The following SUPT3H variants were observed in gnomAD, a reference collection of about 807,000 sequenced individuals.
The protein encoded by SUPT3H is SPT3 homolog, SAGA and STAGA complex component, also known as transcription initiation protein SPT3 homolog.
SUPT3H carries 44 observed loss-of-function variants against 44.3 expected under a neutral mutation model. The ratio of observed to expected loss-of-function variants is 0.99; its 90% CI spans 0.78 to 1.28. The LOEUF (loss-of-function observed/expected upper bound fraction) is 1.28, where lower values mean the gene tolerates loss of function less well. Among genes scored for constraint, SUPT3H ranks in the 50% most tolerant of loss-of-function variants. The pLI is 0.00. For synonymous variants in SUPT3H, 124 were observed against 125.6 expected, an observed-to-expected ratio of 0.99 and a Z score of 0.09; for missense variants, 380 against 387.1, an observed-to-expected ratio of 0.98 and a Z score of 0.15.
At chr6:45,335,179 ACTTT>A (rs1298578212) in intron 2 of SUPT3H, among the ~76,000 whole-genome samples, 2 of 151,300 alleles carry the variant, frequency 1.3e-5, no homozygotes, top group Non-Finnish European at 3.0e-5. Context: ...GCTAGAATTA[ACTTT>A]CTTTTTAAAT....
intron 4 of SUPT3H, 25 bp downstream of exon 4, chr6:45,020,521 A>T: frequency 6.4e-7 from 1 of 1,565,986 alleles, no homozygotes; most frequent in African/African-American, 1.4e-5. Flanking sequence ...GTGGATTTTA[A>T]TACAATAAAA....
At chr6:45,065,244 G>A (rs1411817777) in intron 3 of SUPT3H, among the ~76,000 whole-genome samples, 10 of 148,692 alleles carry the variant, frequency 6.7e-5, no homozygotes, top group African/African-American at 2.5e-4. Flanking sequence ...CAGAAATAAA[G>A]ATGTTCTTTG....
intron 2 of SUPT3H, among the ~76,000 whole-genome samples, chr6:45,300,294 T>C (rs1239545860): frequency 6.6e-6 from 1 of 152,184 alleles, no homozygotes; most frequent in Admixed American, 6.5e-5. Flanking sequence ...ATACAGTGCT[T>C]TGTAATACGC....
At chr6:44,942,353 T>C (rs1007792385) in intron 9 of SUPT3H, among the ~76,000 whole-genome samples, 7 of 152,008 alleles carry the variant, frequency 4.6e-5, no homozygotes, top group Non-Finnish European at 8.8e-5. Context: ...AGACTGAAAC[T>C]GGAAACGGTA....
chr6:45,179,104 T>C (rs1812603497), intron 2 of SUPT3H, among the ~76,000 whole-genome samples: 1 of 152,060 alleles, frequency 6.6e-6, no homozygotes, highest in Non-Finnish European at 1.5e-5. Context: ...CAAACACCTC[T>C]ACGCAAATAA....
chr6:45,156,350 T>C (rs1041058236), intron 2 of SUPT3H, among the ~76,000 whole-genome samples: 1 of 152,130 alleles, frequency 6.6e-6, no homozygotes, highest in Admixed American at 6.6e-5. Flanking sequence ...TCAACATTTG[T>C]ATAGTGTTTT....
intron 2 of SUPT3H, among the ~76,000 whole-genome samples, chr6:45,236,947 G>T (rs1338975316): frequency 6.6e-6 from 1 of 152,158 alleles, no homozygotes; most frequent in Non-Finnish European, 1.5e-5. Flanking sequence ...AAATTTAAAA[G>T]GAGTGCAAGT....
At chr6:44,823,641 C>A (rs1336007383), downstream of SUPT3H, among the ~76,000 whole-genome samples, 1 of 152,178 alleles carries the variant, frequency 6.6e-6, no homozygotes, top group Non-Finnish European at 1.5e-5. Flanking sequence ...ACCTCAGCCC[C>A]CTTTGGGATG....
chr6:44,886,156 T>C (rs190688298), intron 10 of SUPT3H, among the ~76,000 whole-genome samples: 334 of 152,238 alleles, frequency 2.2e-3, no homozygotes, highest in Non-Finnish European at 2.5e-3. Flanking sequence ...TTCCTGAAAG[T>C]GACGGGGGAG....
intron 3 of SUPT3H, among the ~76,000 whole-genome samples, chr6:45,063,317 C>G (rs1225178126): frequency 2.0e-5 from 3 of 150,352 alleles, no homozygotes; most frequent in Non-Finnish European, 2.9e-5. Context: ...CTGTACATCA[C>G]CATCATCAAA....
chr6:45,260,438 C>T (rs970547930), intron 2 of SUPT3H, among the ~76,000 whole-genome samples: 1 of 152,034 alleles, frequency 6.6e-6, no homozygotes, highest in African/African-American at 2.4e-5. Flanking sequence ...AATCAATGTA[C>T]CTTTAAAAAA....
chr6:45,214,426 A>C (rs781171814), intron 2 of SUPT3H, among the ~76,000 whole-genome samples: 4 of 142,720 alleles, frequency 2.8e-5, no homozygotes, highest in Non-Finnish European at 3.2e-5. Context: ...AATTACATAC[A>C]AAAAAAAATG....
Position 44,936,510 on chromosome 6 carries a change from C to T in SUPT3H, c.802-3747G>A, listed in dbSNP as rs77821735. On this transcript the variant is annotated intron_variant, in intron 9 of 10. Transcript: ENST00000371459. ...CCTACTTACTCCCAACCTTCCAAAT[C>T]TCCATTGTCTATCATTCCACACTCT... 4.7e-4 allele frequency among the ~76,000 whole-genome samples: 71 copies of T among 152,190 alleles called. No individual in the cohort carries two copies. In the East Asian group the frequency reaches 0.012, roughly 26 times the overall value.
In SUPT3H at chr6:45,201,015, C is replaced by T. The variant is rs73735311; in HGVS notation, c.102-95009G>A. Among the ~76,000 whole-genome samples, 593 of 151,328 alleles carry T rather than the reference C, an allele frequency of 3.9e-3. 7 individuals are homozygous for T. Among genetic ancestry groups the T allele is most frequent in the African/African-American group, 0.014 (564 of 41,436 alleles). On this transcript the variant is annotated intron_variant, in intron 2 of 10. Transcript: ENST00000371459. The stretch of plus-strand genomic sequence containing the variant: ...GTATTACTTCCTTATGGGAACAATA[C>T]GAAGATTTCAATATAAACGAATTTA...
rs112662302 is a variant in SUPT3H, at chr6:45,280,754, T to A, written c.101+84447A>T. 6.2e-3 allele frequency among the ~76,000 whole-genome samples: 943 copies of A among 152,284 alleles called. 11 individuals carry two copies. Among genetic ancestry groups the A allele is most frequent in the African/African-American group, 0.02 (825 of 41,572 alleles). ...CTCCTAGTGGCTTCACCTAGAGTGG[T>A]AACCATGGGATAAAATATATGGGCA... On this transcript the variant is annotated intron_variant, in intron 2 of 10. Transcript: ENST00000371459.
intron 2 of SUPT3H, among the ~76,000 whole-genome samples, chr6:45,231,380 G>A (rs1584394164): frequency 6.6e-6 from 1 of 152,132 alleles, no homozygotes. Context: ...ATGCTTGGCT[G>A]GCAGGGTTTT....
intron 2 of SUPT3H, among the ~76,000 whole-genome samples, chr6:45,296,112 T>C (rs554839867): frequency 2.0e-4 from 30 of 151,936 alleles, no homozygotes; most frequent in African/African-American, 6.8e-4. Flanking sequence ...GAAATTGTGA[T>C]ATATATATAA....
At chr6:45,158,288 ATATATATATATTTTTTT>A (rs1445340158) in intron 2 of SUPT3H, among the ~76,000 whole-genome samples, 1 of 39,672 alleles carries the variant, frequency 2.5e-5, no homozygotes, top group Non-Finnish European at 5.4e-5. Flanking sequence ...ATATATATAT[ATATATATATATTTTTTT>A]TTTTTTTTTT....
chr6:44,961,642 C>T (rs1776039128), intron 7 of SUPT3H, 111 bp downstream of exon 7: 2 of 841,546 alleles, frequency 2.4e-6, no homozygotes, highest in African/African-American at 1.7e-5. Flanking sequence ...CTTACAACTA[C>T]ACATATATTA....
Sources: gnomAD v4.1 joint callset for allele counts (sites outside exome capture counted in the v4.1 genomes callset) on GRCh38, gnomAD v4.1.1 for gene constraint, MANE v1.5 for transcripts, NCBI Gene and HGNC (gene_info 2026-07-23, HGNC 2026-07-21) for gene names.